Variants in PCDHGA11 observed in about 807,000 individuals in gnomAD.
PCDHGA11 encodes protocadherin gamma-A11.
In PCDHGA11, 39 loss-of-function variants were observed where a neutral mutation model predicts 60.4. That is an observed-to-expected ratio of 0.65 (90% CI 0.50 to 0.84). The LOEUF is 0.84. PCDHGA11 is among the 40% of genes least tolerant of loss of function. The probability of loss-of-function intolerance (pLI) is 0.00; values close to 1 mark genes in which losing one functional copy is unlikely to be tolerated. For missense variants in PCDHGA11, 1,165 were observed against 1,197.7 expected, an observed-to-expected ratio of 0.97 and a Z score of 0.40; for synonymous variants, 533 against 510.3, an observed-to-expected ratio of 1.04 and a Z score of -0.60.
At position 141,491,597 on chromosome 5, in the gene PCDHGA11, A is replaced by T. The variant is rs1389838814; in HGVS notation, c.2434-3210A>T. Reference sequence around the variant, plus strand: ...TTTTCACCGGCCTCGGACGGCAGTGACTTCACTTTTCTAAGACCCCTCAGC... The same window carrying T: ...TTTTCACCGGCCTCGGACGGCAGTGTCTTCACTTTTCTAAGACCCCTCAGC... On this transcript the variant is annotated intron_variant, in intron 1 of 3. Coordinates refer to ENST00000398587, the MANE Select transcript of PCDHGA11 (RefSeq NM_018914.3). This position sits in a 1 kb window ranked among gnomAD's most constrained non-coding sequence, Gnocchi z 6.9. 1.2e-6 allele frequency: 2 copies of T among 1,613,788 alleles called. No individual in the cohort carries two copies. The highest frequency in any genetic ancestry group is 1.7e-6 in the Non-Finnish European group (2 of 1,180,012).
chr5:141,428,180 C>A, intron 1 of PCDHGA11: 1 of 1,486,268 alleles, frequency 6.7e-7, no homozygotes, highest in Non-Finnish European at 9.2e-7. Flanking sequence ...TGACGGAGGA[C>A]AGCCGCCGCT....
intron 1 of PCDHGA11, chr5:141,427,497 G>C (rs775492626): frequency 1.6e-5 from 9 of 568,020 alleles, no homozygotes; most frequent in African/African-American, 3.7e-5. Flanking sequence ...GCTTGTAACA[G>C]ATGGGACCCT....
In PCDHGA11 at chr5:141,511,477, C is replaced by A; in HGVS notation, c.*304C>A. 2.1e-6 allele frequency: 1 copy of A among 482,262 alleles called. No homozygotes were observed. The allele number at this position is 482,262 out of a possible 1,614,324, so 29.9% of individuals were successfully genotyped here. A position where few individuals can be genotyped will look rare whatever the true frequency, so the allele number is the denominator to read the frequency against. On this transcript the variant is annotated 3_prime_UTR_variant, in exon 4 of 4. Coordinates refer to ENST00000398587, the MANE Select transcript of PCDHGA11 (RefSeq NM_018914.3). ...TTTGCCACACCCCGTTTAGTTACAG[C>A]TGAACTCCTCCATCTTCCAAATCAA...
At chr5:141,452,065 T>A (rs185791618) in intron 1 of PCDHGA11, among the ~76,000 whole-genome samples, 1 of 152,332 alleles carries the variant, frequency 6.6e-6, no homozygotes, top group Non-Finnish European at 1.5e-5. Flanking sequence ...TTATTCTACT[T>A]TTATTAGTTG....
At chr5:141,423,826 A>G (rs1324911075) in intron 1 of PCDHGA11, 166 bp downstream of exon 1, 21 of 1,275,178 alleles carry the variant, frequency 1.6e-5, no homozygotes, top group Middle Eastern at 2.2e-4. Flanking sequence ...TTTGCCTTTC[A>G]TGAGATTACG....
intron 1 of PCDHGA11, among the ~76,000 whole-genome samples, chr5:141,425,068 A>G (rs1484760901): frequency 6.6e-6 from 1 of 152,174 alleles, no homozygotes; most frequent in African/African-American, 2.4e-5. Context: ...GGACAAAAAT[A>G]ATTTCAACTG....
chr5:141,450,645 C>T (rs2098688869), intron 1 of PCDHGA11, among the ~76,000 whole-genome samples: 2 of 151,618 alleles, frequency 1.3e-5, no homozygotes, highest in Non-Finnish European at 2.9e-5. Context: ...TGCCACCATG[C>T]CTGGCTAATT....
rs1387677265 is a variant in PCDHGA11 at position 141,486,434 on chromosome 5, T to C, written c.2434-8373T>C. 3 of 1,614,150 alleles carry C rather than the reference T, an allele frequency of 1.9e-6. No homozygotes were observed. The highest frequency in any genetic ancestry group is 2.5e-6 in the Non-Finnish European group (3 of 1,179,986). The stretch of plus-strand genomic sequence containing the variant: ...CTTGGATCGAGAGGCCAAATCTAGC[T>C]ATGACATCATGGTCACTGCTTCTGA... On this transcript the variant is annotated intron_variant, in intron 1 of 3. Coordinates refer to ENST00000398587, the MANE Select transcript of PCDHGA11 (RefSeq NM_018914.3). This position sits in a 1 kb window ranked among gnomAD's most constrained non-coding sequence, Gnocchi z 5.0.
At chr5:141,484,453 C>T (rs1212059469) in intron 1 of PCDHGA11, among the ~76,000 whole-genome samples, 1 of 152,160 alleles carries the variant, frequency 6.6e-6, no homozygotes. Flanking sequence ...TAATTGGCTA[C>T]GTTAATGTGT....
At chr5:141,450,364 T>G (rs2098678485) in intron 1 of PCDHGA11, among the ~76,000 whole-genome samples, 1 of 152,188 alleles carries the variant, frequency 6.6e-6, no homozygotes, top group Admixed American at 6.5e-5. Flanking sequence ...TCCTCAGCCT[T>G]GTTTGTTTAT....
At chr5:141,484,399 CCGCTGTGTCT>C (rs1488164183) in intron 1 of PCDHGA11, among the ~76,000 whole-genome samples, 4 of 152,186 alleles carry the variant, frequency 2.6e-5, no homozygotes, top group Non-Finnish European at 4.4e-5. Context: ...GGTTTGGTTT[CCGCTGTGTCT>C]CCTGTTACAA....
At chr5:141,510,845 C>T (rs2099883036) in intron 3 of PCDHGA11, 102 bp from the exon 4 acceptor site, 3 of 1,593,960 alleles carry the variant, frequency 1.9e-6, no homozygotes, top group Non-Finnish European at 2.6e-6. Context: ...TGGTCAAGGC[C>T]CAGGGTGCTG....
Position 141,489,417 on chromosome 5 carries a change from G to A in PCDHGA11, c.2434-5390G>A, listed in dbSNP as rs1020232739. On this transcript the variant is annotated intron_variant, in intron 1 of 3. Coordinates refer to ENST00000398587, the MANE Select transcript of PCDHGA11 (RefSeq NM_018914.3). This position sits in a 1 kb window ranked among gnomAD's most constrained non-coding sequence, Gnocchi z 4.5. ...ATCTGGGCTTAAAGATGACAGATCT[G>A]TTGAGCCGGCGGCTGCAATTGGGCT... The A allele has an allele frequency of 1.2e-6, 2 of 1,614,172 alleles. No individual in the cohort carries two copies. The highest frequency in any genetic ancestry group is 3.3e-5 in the Admixed American group (2 of 60,030).
At chr5:141,441,325 T>C (rs961263461) in intron 1 of PCDHGA11, 1 of 152,192 alleles carries the variant, frequency 6.6e-6, no homozygotes, top group African/African-American at 2.4e-5. Flanking sequence ...AGAAAAATCT[T>C]CCTCCAATAA....
chr5:141,432,991 C>T lies in PCDHGA11; in HGVS notation c.2433+9331C>T. ...CGGCGTCGCACTTTGTGGGCGTGGA[C>T]GGGGTGCAGGCTTTCCTGCAGACCT... is the stretch of plus-strand genomic sequence containing the variant. On this transcript the variant is annotated intron_variant, in intron 1 of 3. Coordinates refer to ENST00000398587, the MANE Select transcript of PCDHGA11 (RefSeq NM_018914.3). This position sits in a 1 kb window ranked among gnomAD's most constrained non-coding sequence, Gnocchi z 6.0. 6.2e-7 allele frequency: 1 copy of T among 1,614,200 alleles called. No individual in the cohort carries two copies. The highest frequency in any genetic ancestry group is 8.5e-7 in the Non-Finnish European group (1 of 1,180,030).
intron 1 of PCDHGA11, among the ~76,000 whole-genome samples, chr5:141,484,045 G>A (rs934525987): frequency 7.9e-5 from 12 of 152,026 alleles, no homozygotes; most frequent in African/African-American, 2.9e-4. Context: ...AGCTCCAAGA[G>A]GTCCCCTGGG....
At chr5:141,467,582 TGCCATTTATTAA>T (rs2099146610) in intron 1 of PCDHGA11, among the ~76,000 whole-genome samples, 2 of 152,216 alleles carry the variant, frequency 1.3e-5, no homozygotes, top group Non-Finnish European at 1.5e-5. Context: ...GTTGTCCCAA[TGCCATTTATTAA>T]GCACTTCATC....
chr5:141,469,853 G>A (rs549678022), intron 1 of PCDHGA11, among the ~76,000 whole-genome samples: 5 of 152,270 alleles, frequency 3.3e-5, no homozygotes, highest in South Asian at 2.1e-4. Context: ...GATTCAGACC[G>A]GGTGCAATGG....
intron 2 of PCDHGA11, among the ~76,000 whole-genome samples, chr5:141,505,177 A>G (rs917485235): frequency 6.6e-6 from 1 of 152,180 alleles, no homozygotes; most frequent in East Asian, 1.9e-4. Flanking sequence ...AAAAGAAAAA[A>G]GCATCGGAGG....
Sources: gnomAD v4.1 joint callset for allele counts (sites outside exome capture counted in the v4.1 genomes callset) on GRCh38, gnomAD v4.1.1 for gene constraint, Gnocchi (gnomAD v3.1) non-coding constraint, MANE v1.5 for transcripts, NCBI Gene and HGNC (gene_info 2026-07-23, HGNC 2026-07-21) for gene names.